TNC: variants seen among roughly 807,000 people sequenced by gnomAD.
The protein encoded by TNC is tenascin.
Under a neutral mutation model 202.4 loss-of-function variants are expected in TNC, and 109 were observed. The ratio of observed to expected loss-of-function variants is 0.54; its 90% CI spans 0.46 to 0.63. TNC has a LOEUF of 0.63. Ranked by LOEUF, TNC falls within the 30% of genes least tolerant of loss-of-function variation. The pLI is 0.00. For missense variants in TNC, 2,756 were observed against 2,833.3 expected, an observed-to-expected ratio of 0.97 and a Z score of 0.62; for synonymous variants, 1,007 against 1,089.7, an observed-to-expected ratio of 0.92 and a Z score of 1.50.
intron 1 of TNC, chr9:115,112,634 C>T (rs78880748): frequency 0.019 from 2,957 of 152,352 alleles, 99 homozygotes; most frequent in African/African-American, 0.068. Flanking sequence ...CATTCCTCTG[C>T]AATATCTGTG....
At chr9:115,062,209 C>T (rs1428344993) in intron 13 of TNC, among the ~76,000 whole-genome samples, 6 of 152,182 alleles carry the variant, frequency 3.9e-5, no homozygotes, top group Non-Finnish European at 8.8e-5. Context: ...TTACTAAGCA[C>T]TGACATTCAT....
At chr9:115,067,249 C>G (rs901989822) in intron 10 of TNC, among the ~76,000 whole-genome samples, 4 of 152,264 alleles carry the variant, frequency 2.6e-5, no homozygotes, top group Non-Finnish European at 4.4e-5. Context: ...TTTCAGCAGT[C>G]CTGATACAGA....
At chr9:115,087,504 A>C (rs981397958) in intron 2 of TNC, among the ~76,000 whole-genome samples, 6 of 148,836 alleles carry the variant, frequency 4.0e-5, no homozygotes, top group Admixed American at 2.7e-4. Flanking sequence ...TGTATGCCAA[A>C]ACAGTGTGTG....
At chr9:115,046,872 T>C (rs1334002197) in intron 16 of TNC, among the ~76,000 whole-genome samples, 190 bp from the exon 17 acceptor site, 2 of 152,178 alleles carry the variant, frequency 1.3e-5, no homozygotes, top group Non-Finnish European at 2.9e-5. Context: ...AGGGGAAAGA[T>C]GGAGTAGACA....
At chr9:115,061,281 T>A (rs914482847) in intron 13 of TNC, among the ~76,000 whole-genome samples, 2 of 152,240 alleles carry the variant, frequency 1.3e-5, no homozygotes, top group Admixed American at 6.5e-5. Context: ...ATTTTCAAAC[T>A]GTGTTCCACA....
rs28362059 is a variant in TNC at position 115,082,654 on chromosome 9, C to T, written c.2247+38G>A. On this transcript the variant is annotated intron_variant, in intron 5 of 27. Coordinates refer to ENST00000350763, the MANE Select transcript of TNC (RefSeq NM_002160.4). Reference sequence around the variant, plus strand: ...GAACCCTTTGGTCATCTTTCAAATCCTTGAGATCAAATGGATCTGCTCTTT... The same window carrying T: ...GAACCCTTTGGTCATCTTTCAAATCTTTGAGATCAAATGGATCTGCTCTTT... 6.1e-3 allele frequency: 9,014 copies of T among 1,471,910 alleles called. 344 individuals are homozygous for T. In the African/African-American group the frequency reaches 0.094, roughly 15 times the overall value. The allele number at this position is 1,471,910 out of a possible 1,614,324, so 91.2% of individuals were successfully genotyped here. A position where few individuals can be genotyped will look rare whatever the true frequency, so the allele number is the denominator to read the frequency against.
chr9:115,045,998 T>A (rs549850394), intron 17 of TNC, among the ~76,000 whole-genome samples: 2 of 151,800 alleles, frequency 1.3e-5, no homozygotes, highest in South Asian at 4.2e-4. Flanking sequence ...TATCTCTGGA[T>A]AAAATGATGA....
intron 1 of TNC, among the ~76,000 whole-genome samples, chr9:115,098,957 T>C (rs1032317997): frequency 7.3e-6 from 1 of 137,550 alleles, no homozygotes; most frequent in South Asian, 2.5e-4. Context: ...TTTTTTTTTT[T>C]CCTGAGGACA....
intron 14 of TNC, among the ~76,000 whole-genome samples, chr9:115,059,145 G>T (rs1832354848): frequency 6.6e-6 from 1 of 151,984 alleles, no homozygotes; most frequent in African/African-American, 2.4e-5. Context: ...TTCTGGTCTA[G>T]CTATTTGCTA....
At chr9:115,035,422 G>A in intron 21 of TNC, 88 bp from the exon 22 acceptor site, 1 of 1,409,168 alleles carries the variant, frequency 7.1e-7, no homozygotes, top group South Asian at 1.4e-5. Context: ...CTGGGTTCAA[G>A]TCCTTTCCCT....
intron 15 of TNC, among the ~76,000 whole-genome samples, chr9:115,051,512 G>A (rs530472444): frequency 2.4e-3 from 360 of 146,946 alleles, no homozygotes; most frequent in Non-Finnish European, 4.3e-3. Context: ...TCTTTTCTAG[G>A]TGATTTTTCT....
intron 15 of TNC, 48 bp from the exon 16 acceptor site, chr9:115,048,580 CTG>C (rs750137095): frequency 2.6e-6 from 4 of 1,562,318 alleles, no homozygotes; most frequent in Non-Finnish European, 3.5e-6. Flanking sequence ...AGCACTGACT[CTG>C]TCAGGATAGC....
At chr9:115,069,326 G>A (rs1833182039) in intron 10 of TNC, among the ~76,000 whole-genome samples, 1 of 152,000 alleles carries the variant, frequency 6.6e-6, no homozygotes, top group African/African-American at 2.4e-5. Flanking sequence ...GTCTCTTATG[G>A]CATGCAGCAA....
chr9:115,078,463 G>C lies in TNC; in HGVS notation c.2405-251C>G, dbSNP rs1330349. Among the ~76,000 whole-genome samples, 78,602 of 150,400 alleles carry C rather than the reference G, an allele frequency of 0.52. 20,954 individuals are homozygous for C. The highest frequency in any genetic ancestry group is 0.57 in the Non-Finnish European group (38,695 of 67,646). On this transcript the variant is annotated intron_variant, in intron 6 of 27. Coordinates refer to ENST00000350763, the MANE Select transcript of TNC (RefSeq NM_002160.4). Reference sequence around the variant, plus strand: ...AGAGATAAAGCTTGCAAAGCATCTAGCACAGAGACTGGCCCATGGATGTCA... The same window carrying C: ...AGAGATAAAGCTTGCAAAGCATCTACCACAGAGACTGGCCCATGGATGTCA...
intron 19 of TNC, among the ~76,000 whole-genome samples, chr9:115,039,839 G>A (rs1830600578): frequency 6.6e-6 from 1 of 152,222 alleles, no homozygotes; most frequent in African/African-American, 2.4e-5. Flanking sequence ...CTGTTGCCGT[G>A]GAGAATCCAC....
chr9:115,104,228 T>C (rs187945596), intron 1 of TNC, among the ~76,000 whole-genome samples: 1 of 152,360 alleles, frequency 6.6e-6, no homozygotes, highest in African/African-American at 2.4e-5. Flanking sequence ...TTAAGAAATC[T>C]AGTTGGCTCT....
chr9:115,052,900 G>T (rs537085397), intron 15 of TNC: 2 of 702,568 alleles, frequency 2.8e-6, no homozygotes, highest in Non-Finnish European at 5.2e-6. Flanking sequence ...GTGAGTGAGC[G>T]TCACTCACAT....
At chr9:115,116,864 G>A (rs1837505140) in intron 1 of TNC, among the ~76,000 whole-genome samples, 2 of 152,080 alleles carry the variant, frequency 1.3e-5, no homozygotes, top group South Asian at 2.1e-4. Context: ...CCTCAGATTG[G>A]GTGAGATAAA....
chr9:115,094,454 C>T (rs767375652), intron 1 of TNC, among the ~76,000 whole-genome samples: 1 of 152,180 alleles, frequency 6.6e-6, no homozygotes, highest in Non-Finnish European at 1.5e-5. Flanking sequence ...CTCATGCAGA[C>T]AACTGGCTGT....
Sources: gnomAD v4.1 joint callset for allele counts (sites outside exome capture counted in the v4.1 genomes callset) on GRCh38, gnomAD v4.1.1 for gene constraint, MANE v1.5 for transcripts, NCBI Gene and HGNC (gene_info 2026-07-23, HGNC 2026-07-21) for gene names.